The following NRXN3 variants were observed in gnomAD, a reference collection of about 807,000 sequenced individuals.
The protein encoded by NRXN3 is neurexin III.
In NRXN3, 32 loss-of-function variants were observed where a neutral mutation model predicts 137.6. That is an observed-to-expected ratio of 0.23 (90% CI 0.18 to 0.31). The LOEUF (loss-of-function observed/expected upper bound fraction) is 0.31, where lower values mean the gene tolerates loss of function less well. Among genes scored for constraint, NRXN3 ranks in the 10% least tolerant of loss-of-function variants. The pLI, the probability that NRXN3 is intolerant of heterozygous loss-of-function variation, is 1.00. For missense variants in NRXN3, 1,574 were observed against 2,062.5 expected (o/e 0.76, Z 4.59); for synonymous variants, 798 against 784.5 (o/e 1.02, Z -0.29).
At chr14:78,425,803 A>G (rs2093641530) in intron 4 of NRXN3, among the ~76,000 whole-genome samples, 1 of 152,006 alleles carries the variant, frequency 6.6e-6, no homozygotes, top group Non-Finnish European at 1.5e-5. Flanking sequence ...CATTTTCTGA[A>G]CCTCAGGGCT....
rs547632541 is a variant in NRXN3, at chr14:79,824,320, A to G, written c.4093+19130A>G. Among the ~76,000 whole-genome samples the G allele has an allele frequency of 6.6e-5, 10 of 152,352 alleles. No individual in the cohort carries two copies. In the East Asian group the frequency reaches 1.7e-3, roughly 26 times the overall value. Reference sequence around the variant, plus strand: ...CACTGCAGCTACAAAGATTATATTAATGAATTAAAACATTTGATTACCTTT... The same window carrying G: ...CACTGCAGCTACAAAGATTATATTAGTGAATTAAAACATTTGATTACCTTT... On this transcript the variant is annotated intron_variant, in intron 20 of 20. Coordinates refer to ENST00000335750, the MANE Select transcript of NRXN3 (RefSeq NM_001330195.2).
chr14:79,635,787 T>A (rs934553489), intron 16 of NRXN3, among the ~76,000 whole-genome samples: 1 of 152,138 alleles, frequency 6.6e-6, no homozygotes, highest in Admixed American at 6.5e-5. Flanking sequence ...CAATTCCACA[T>A]GGCTGGGAAG....
At chr14:78,555,014 C>T (rs1315850665) in intron 4 of NRXN3, among the ~76,000 whole-genome samples, 4 of 152,058 alleles carry the variant, frequency 2.6e-5, no homozygotes, top group African/African-American at 7.2e-5. Flanking sequence ...CTTATTCACT[C>T]CTCTGCTCTG....
chr14:79,107,531 G>T (rs936693137), intron 15 of NRXN3, among the ~76,000 whole-genome samples: 5 of 152,148 alleles, frequency 3.3e-5, no homozygotes, highest in African/African-American at 4.8e-5. Flanking sequence ...TTTTGAAAGG[G>T]TACTCTGGTT....
chr14:78,231,889 G>A (rs752607910), intron 1 of NRXN3, among the ~76,000 whole-genome samples: 1 of 152,180 alleles, frequency 6.6e-6, no homozygotes, highest in Non-Finnish European at 1.5e-5. Context: ...CCTTTCCACT[G>A]GCTTTCCAAA....
chr14:79,828,769 G>A (rs1342514060), intron 20 of NRXN3, among the ~76,000 whole-genome samples: 1 of 150,948 alleles, frequency 6.6e-6, no homozygotes, highest in African/African-American at 2.4e-5. Context: ...ACACTTGGTA[G>A]TTCAGTGTCT....
intron 4 of NRXN3, among the ~76,000 whole-genome samples, chr14:78,395,757 A>AT (rs919557491): frequency 3.6e-4 from 55 of 151,020 alleles, no homozygotes; most frequent in African/African-American, 9.0e-4. Flanking sequence ...TGTTTTTGTG[A>AT]TTTTTTTTGT....
intron 4 of NRXN3, among the ~76,000 whole-genome samples, chr14:78,544,570 C>G (rs1158533127): frequency 6.6e-6 from 1 of 152,182 alleles, no homozygotes; most frequent in Non-Finnish European, 1.5e-5. Flanking sequence ...ATATAACTTA[C>G]ATGGTGGAAT....
chr14:79,009,911 G>A (rs1441450837), intron 15 of NRXN3, among the ~76,000 whole-genome samples: 1 of 151,966 alleles, frequency 6.6e-6, no homozygotes, highest in East Asian at 1.9e-4. Flanking sequence ...AAATACTGTG[G>A]GACTATAAGG....
chr14:79,329,933 T>C (rs558072541), intron 15 of NRXN3, among the ~76,000 whole-genome samples: 3 of 151,634 alleles, frequency 2.0e-5, no homozygotes, highest in South Asian at 4.2e-4. Context: ...CTCTGCATCC[T>C]GGGTTCAAGC....
At chr14:79,727,829 C>A (rs2098900722) in intron 19 of NRXN3, among the ~76,000 whole-genome samples, 2 of 152,028 alleles carry the variant, frequency 1.3e-5, no homozygotes, top group Admixed American at 1.3e-4. Context: ...CTTTTTTCCC[C>A]TTTTTAGAAG....
At chr14:79,539,498 T>C (rs2097251849) in intron 16 of NRXN3, among the ~76,000 whole-genome samples, 1 of 152,216 alleles carries the variant, frequency 6.6e-6, no homozygotes, top group Admixed American at 6.5e-5. Context: ...GCAATGTCTA[T>C]ATAAATAGAT....
At chr14:78,510,285 A>G (rs968828504) in intron 4 of NRXN3, among the ~76,000 whole-genome samples, 1 of 152,074 alleles carries the variant, frequency 6.6e-6, no homozygotes, top group Non-Finnish European at 1.5e-5. Context: ...GCATGTAGAA[A>G]GTACTTAATG....
At chr14:78,869,032 C>A (rs1288092255) in intron 10 of NRXN3, among the ~76,000 whole-genome samples, 1 of 151,810 alleles carries the variant, frequency 6.6e-6, no homozygotes, top group Non-Finnish European at 1.5e-5. Context: ...AGAAATGAGT[C>A]ATTTTAATAA....
chr14:79,300,194 G>T (rs1426146006), intron 15 of NRXN3, among the ~76,000 whole-genome samples: 2 of 151,976 alleles, frequency 1.3e-5, no homozygotes, highest in African/African-American at 4.8e-5. Flanking sequence ...TAAGTAATCT[G>T]CTCTAGGTCA....
intron 4 of NRXN3, among the ~76,000 whole-genome samples, chr14:78,332,881 T>G (rs959645091): frequency 3.3e-5 from 5 of 151,998 alleles, no homozygotes; most frequent in African/African-American, 1.2e-4. Context: ...ATTTGACCTT[T>G]TCTTCATGTG....
chr14:79,049,037 A>T (rs2099637458), intron 15 of NRXN3, among the ~76,000 whole-genome samples: 2 of 3,266 alleles, frequency 6.1e-4, no homozygotes, highest in African/African-American at 1.6e-3. Flanking sequence ...AAAAAAAAAA[A>T]AAAAAAAAAA....
chr14:79,491,249 G>C (rs947502832), intron 16 of NRXN3, among the ~76,000 whole-genome samples: 3 of 152,116 alleles, frequency 2.0e-5, no homozygotes, highest in Admixed American at 6.5e-5. Flanking sequence ...ATTTTGCCTG[G>C]AGCCCAAGCC....
At chr14:79,121,701 T>C (rs192133604) in intron 15 of NRXN3, among the ~76,000 whole-genome samples, 2 of 152,336 alleles carry the variant, frequency 1.3e-5, no homozygotes, top group East Asian at 3.9e-4. Context: ...ACTCATGAGA[T>C]TGGTCAATGA....
Sources: gnomAD v4.1 joint callset for allele counts (sites outside exome capture counted in the v4.1 genomes callset) on GRCh38, gnomAD v4.1.1 for gene constraint, MANE v1.5 for transcripts, NCBI Gene and HGNC (gene_info 2026-07-23, HGNC 2026-07-21) for gene names.